The following KIF26B variants were observed in gnomAD, a reference collection of about 807,000 sequenced individuals.
KIF26B encodes the protein kinesin family member 26B.
In KIF26B, 63 loss-of-function variants were observed where a neutral mutation model predicts 151.2. That is an observed-to-expected ratio of 0.42 (90% CI 0.34 to 0.51). The LOEUF (loss-of-function observed/expected upper bound fraction) is 0.51. KIF26B is among the 20% of genes least tolerant of loss of function. The pLI is 0.07. For missense variants in KIF26B, 2,813 were observed against 2,913.6 expected (o/e 0.97, Z 0.79); for synonymous variants, 1,357 against 1,262.1 (o/e 1.08, Z -1.59).
chr1:245,618,564 T>C (rs113565166), intron 9 of KIF26B, among the ~76,000 whole-genome samples: 4,590 of 113,592 alleles, frequency 0.04, 89 homozygotes, highest in Admixed American at 0.074. Flanking sequence ...GTGTCTGCTG[T>C]GTGCTGTTTG....
intron 2 of KIF26B, among the ~76,000 whole-genome samples, chr1:245,331,034 A>C (rs1385011223): frequency 6.6e-6 from 1 of 151,996 alleles, no homozygotes; most frequent in Non-Finnish European, 1.5e-5. Context: ...AGCAGAAACC[A>C]TGATCCTGAG....
In KIF26B at chr1:245,698,133, C is replaced by T. The variant is rs1230878694; in HGVS notation, c.5852C>T (p.Ala1951Val). ...TCTCAGAGACGGAGGCTTATCCCAG[C>T]ACTATCCCTGGACACCTCTTCCCCT... Reference protein sequence around the residue: ...PGSQRRRLIPALSLDTSSPVR... With the variant: ...PGSQRRRLIPVLSLDTSSPVR... Residue 1951 changes from alanine to valine, a missense_variant, in exon 13 of 15, where the codon GCA becomes GTA. By Grantham distance (64) the Ala-to-Val change is moderately conservative. Transcript: ENST00000407071. This position sits in a 1 kb window ranked among gnomAD's most constrained non-coding sequence, Gnocchi z 4.0. 8 of 1,613,884 alleles carry T rather than the reference C, an allele frequency of 5.0e-6. No individual in the cohort carries two copies. The highest frequency in any genetic ancestry group is 5.9e-6 in the Non-Finnish European group (7 of 1,179,890).
chr1:245,565,492 G>A (rs929608344), intron 5 of KIF26B, among the ~76,000 whole-genome samples: 4 of 152,006 alleles, frequency 2.6e-5, no homozygotes, highest in South Asian at 2.1e-4. Flanking sequence ...GTCTCACTAC[G>A]TTGGCCAGGC....
chr1:245,635,930 T>C (rs1558245774), intron 9 of KIF26B, among the ~76,000 whole-genome samples: 1 of 151,976 alleles, frequency 6.6e-6, no homozygotes, highest in Non-Finnish European at 1.5e-5. Context: ...TATTTGGAGG[T>C]TTTTCAGATA....
chr1:245,280,638 T>G (rs1671029923), intron 2 of KIF26B, among the ~76,000 whole-genome samples: 1 of 127,876 alleles, frequency 7.8e-6, no homozygotes, highest in African/African-American at 3.1e-5. Context: ...AGTTTTAGGG[T>G]ACATGTGCAC....
intron 5 of KIF26B, among the ~76,000 whole-genome samples, chr1:245,546,662 T>A (rs945842781): frequency 7.2e-5 from 11 of 152,248 alleles, no homozygotes; most frequent in Non-Finnish European, 1.6e-4. Context: ...TGGATCCCGC[T>A]AGATCCCACT....
chr1:245,333,316 T>A (rs555377699), intron 2 of KIF26B, among the ~76,000 whole-genome samples: 1 of 152,340 alleles, frequency 6.6e-6, no homozygotes, highest in East Asian at 1.9e-4. Flanking sequence ...CTTGAAGACA[T>A]GATGTTAAGT....
chr1:245,384,069 A>G (rs1478831835), intron 3 of KIF26B, among the ~76,000 whole-genome samples: 1 of 152,224 alleles, frequency 6.6e-6, no homozygotes, highest in Non-Finnish European at 1.5e-5. Flanking sequence ...CTACCTGCAC[A>G]GAGAAAAACT....
Position 245,692,100 on chromosome 1 carries a change from A to T in KIF26B, c.5824+3293A>T, listed in dbSNP as rs1222869471. ...CTATGCAGATAATTTAAATAATGTT[A>T]TGGTCATGTGATGTCTTTTCCTTAG... is the stretch of plus-strand genomic sequence containing the variant. On this transcript the variant is annotated intron_variant, in intron 12 of 14. Coordinates refer to ENST00000407071, the MANE Select transcript of KIF26B (RefSeq NM_018012.4). Among the ~76,000 whole-genome samples, 3 of 152,182 alleles carry T rather than the reference A, an allele frequency of 2.0e-5. No homozygotes were observed. The East Asian group carries it at 5.8e-4, about 29-fold the overall frequency.
At chr1:245,555,330 C>T (rs1661993070) in intron 5 of KIF26B, among the ~76,000 whole-genome samples, 1 of 152,134 alleles carries the variant, frequency 6.6e-6, no homozygotes. Context: ...GTCATGAGCG[C>T]CTGGAACTAA....
intron 2 of KIF26B, among the ~76,000 whole-genome samples, chr1:245,311,368 C>T (rs904820664): frequency 2.0e-5 from 3 of 152,056 alleles, no homozygotes; most frequent in African/African-American, 7.2e-5. Flanking sequence ...GCTGTCTTGT[C>T]ATCGTCTCCT....
At chr1:245,544,097 C>T (rs1661685286) in intron 5 of KIF26B, among the ~76,000 whole-genome samples, 1 of 152,210 alleles carries the variant, frequency 6.6e-6, no homozygotes, top group South Asian at 2.1e-4. Flanking sequence ...GGCCCATCCT[C>T]CCAGACTCCT....
At chr1:245,414,874 T>A (rs1380911361) in intron 3 of KIF26B, among the ~76,000 whole-genome samples, 1 of 152,182 alleles carries the variant, frequency 6.6e-6, no homozygotes, top group Admixed American at 6.5e-5. Context: ...CCCAAGTCTG[T>A]CTGGTGCTCA....
At chr1:245,282,674 C>A (rs929298813) in intron 2 of KIF26B, among the ~76,000 whole-genome samples, 1 of 152,192 alleles carries the variant, frequency 6.6e-6, no homozygotes, top group Non-Finnish European at 1.5e-5. Flanking sequence ...CTCCTCCAGC[C>A]TCTGTATACC....
At chr1:245,696,926 A>C (rs2044702599) in intron 12 of KIF26B, among the ~76,000 whole-genome samples, 1 of 152,210 alleles carries the variant, frequency 6.6e-6, no homozygotes, top group Non-Finnish European at 1.5e-5. Context: ...TCTGGCCAAC[A>C]TCGTGAAACC....
chr1:245,463,253 A>G (rs1271332245), intron 4 of KIF26B, among the ~76,000 whole-genome samples: 1 of 152,264 alleles, frequency 6.6e-6, no homozygotes, highest in East Asian at 1.9e-4. Flanking sequence ...CAATCCCACT[A>G]GGTAGGGATT....
At chr1:245,155,789 G>A (rs1467315783) in intron 1 of KIF26B, among the ~76,000 whole-genome samples, 1 of 152,254 alleles carries the variant, frequency 6.6e-6, no homozygotes, top group Non-Finnish European at 1.5e-5. Context: ...CATGAATGCT[G>A]GGCAGTACCT....
chr1:245,197,663 C>T (rs1381453062), intron 2 of KIF26B, among the ~76,000 whole-genome samples: 2 of 151,990 alleles, frequency 1.3e-5, no homozygotes, highest in African/African-American at 4.8e-5. Context: ...ATGAGTAATA[C>T]ATGCTGATTA....
intron 9 of KIF26B, among the ~76,000 whole-genome samples, chr1:245,644,985 C>T (rs911072258): frequency 3.3e-5 from 5 of 152,204 alleles, no homozygotes; most frequent in East Asian, 1.9e-4. Flanking sequence ...GGAGAGTAGG[C>T]GTGTCACATG....
Sources: allele counts gnomAD v4.1 joint callset (sites outside exome capture counted in the v4.1 genomes callset), GRCh38; gene constraint gnomAD v4.1.1; non-coding constraint Gnocchi (gnomAD v3.1); transcripts MANE v1.5; gene names NCBI Gene and HGNC (gene_info 2026-07-23, HGNC 2026-07-21).